The following DENND5B variants were observed in gnomAD, a reference collection of about 807,000 sequenced individuals.
The protein encoded by DENND5B is DENN domain containing 5B, also known as DENN domain-containing protein 5B.
Under a neutral mutation model 140.6 loss-of-function variants are expected in DENND5B, and 34 were observed. The ratio of observed to expected loss-of-function variants is 0.24; its 90% confidence interval spans 0.18 to 0.32. The LOEUF (loss-of-function observed/expected upper bound fraction) is 0.32, where lower values mean the gene tolerates loss of function less well. DENND5B is among the 10% of genes least tolerant of loss of function. The probability of loss-of-function intolerance (pLI) is 1.00; values close to 1 mark genes in which losing one functional copy is unlikely to be tolerated. For synonymous variants in DENND5B, 551 were observed against 562.1 expected (o/e 0.98, Z 0.28); for missense variants, 1,142 against 1,560.2 (o/e 0.73, Z 4.52).
At chr12:31,537,697 A>G (rs191838845) in intron 1 of DENND5B, among the ~76,000 whole-genome samples, 1 of 152,226 alleles carries the variant, frequency 6.6e-6, no homozygotes, top group African/African-American at 2.4e-5. Flanking sequence ...AAAAAAACAA[A>G]AAACAAAAAA....
At position 31,411,999 on chromosome 12, in the gene DENND5B, G is replaced by C. The variant is rs143902968; in HGVS notation, c.2681+1437C>G. ...TTTTTGTTTTTGTTTTTTGAGACAG[G>C]GTCTCGCTCTGTTGCCCAAGCTGGA... On this transcript the variant is annotated intron_variant, in intron 13 of 20. Transcript: ENST00000389082. 2.4e-3 allele frequency among the ~76,000 whole-genome samples: 368 copies of C among 152,074 alleles called. 1 individual carries two copies. Among genetic ancestry groups the C allele is most frequent in the African/African-American group, 8.4e-3 (350 of 41,502 alleles).
Position 31,447,633 on chromosome 12 carries a change from A to G in DENND5B, c.1766T>C (p.Phe589Ser), listed in dbSNP as rs756250147. The G allele has an allele frequency of 6.2e-7, 1 of 1,613,958 alleles. No individual in the cohort carries two copies. Among genetic ancestry groups the G allele is most frequent in the East Asian group, 2.2e-5 (1 of 44,874 alleles). Reference protein sequence around the residue: ...WEEKDPLLRVFDTRIDKIRLY... With the variant: ...WEEKDPLLRVSDTRIDKIRLY... ...CCTTATCTTATCAATCCGAGTGTCA[A>G]AGACCCGAAGCAAAGGATCTTTCTC... is the stretch of plus-strand genomic sequence containing the variant. The change falls in exon 6 of 21, where the codon TTT (phenylalanine) becomes TCT (serine). Residue 589 changes from phenylalanine (F) to serine (S), a missense_variant. Phe to Ser is a radical substitution (Grantham distance 155, BLOSUM62 -2). This residue lies in a region of DENND5B where 708 missense variants were observed against 905.5 expected (regional missense o/e 0.78). Transcript: ENST00000389082.
chr12:31,424,816 GA>G, intron 9 of DENND5B, 129 bp from the exon 10 acceptor site: 5 of 1,206,096 alleles, frequency 4.1e-6, no homozygotes, highest in South Asian at 1.6e-5. Context: ...ATCACCTTGG[GA>G]AAAAAATCTC....
In DENND5B at chr12:31,452,075, G is replaced by C; in HGVS notation, c.1494C>G (p.Leu498=). The change falls in exon 5 of 21, where the codon CTC becomes CTG. Residue 498 remains leucine (L), a synonymous_variant. Coordinates refer to ENST00000389082, the MANE Select transcript of DENND5B (RefSeq NM_144973.4). ...CEEAELRDYQ[L]NVQLREVFAN... ...CAAAGACCTCTCGGAGCTGTACATT[G>C]AGCTGGTAGTCCCTTAGTTCTGCCT... 6.2e-7 allele frequency: 1 copy of C among 1,613,976 alleles called. No individual in the cohort carries two copies. Among genetic ancestry groups the C allele is most frequent in the Non-Finnish European group, 8.5e-7 (1 of 1,179,896 alleles).
At chr12:31,590,651 A>C (rs1327952983) in intron 1 of DENND5B, 55 bp downstream of exon 1, 4 of 1,402,806 alleles carry the variant, frequency 2.9e-6, no homozygotes, top group Non-Finnish European at 3.7e-6. Context: ...GCGCGTCCCC[A>C]CAGCGTCCCC....
intron 5 of DENND5B, 141 bp from the exon 6 acceptor site, chr12:31,447,910 A>C: frequency 4.4e-6 from 3 of 681,396 alleles, no homozygotes; most frequent in Non-Finnish European, 7.3e-6. Flanking sequence ...AATCCTTAAA[A>C]ATCCACTTTT....
At position 31,444,948 on chromosome 12, in the gene DENND5B, C is replaced by A. The variant is rs529421795; in HGVS notation, c.1862-2023G>T. Among the ~76,000 whole-genome samples the A allele has an allele frequency of 2.6e-5, 4 of 152,298 alleles. No homozygotes were observed. In the East Asian group the frequency reaches 7.7e-4, roughly 29 times the overall value. Reference sequence around the variant, plus strand: ...AAAGACATCATTTACATACTTCTCCCTTACATACGCTAAAGCTTCAGCATC... The same window carrying A: ...AAAGACATCATTTACATACTTCTCCATTACATACGCTAAAGCTTCAGCATC... On this transcript the variant is annotated intron_variant, in intron 6 of 20. Coordinates refer to ENST00000389082, the MANE Select transcript of DENND5B (RefSeq NM_144973.4).
intron 1 of DENND5B, among the ~76,000 whole-genome samples, chr12:31,527,076 A>G (rs1398913236): frequency 1.3e-5 from 2 of 152,126 alleles, no homozygotes; most frequent in African/African-American, 4.8e-5. Context: ...AACATAATAA[A>G]TAAGTTACAC....
chr12:31,385,967 C>G lies in DENND5B; in HGVS notation c.*1636G>C, dbSNP rs910895942. On this transcript the variant is annotated 3_prime_UTR_variant, in exon 21 of 21. Coordinates refer to ENST00000389082, the MANE Select transcript of DENND5B (RefSeq NM_144973.4). ...CTGGGATCATAGGCGTGAGCCACCG[C>G]ACCCGGCTCCATGGGTTTTTAAATA... 1 of 152,324 alleles carries G rather than the reference C, an allele frequency of 6.6e-6. No homozygotes were observed. Among genetic ancestry groups the G allele is most frequent in the Non-Finnish European group, 1.5e-5 (1 of 68,134 alleles). 9.4% of individuals were successfully genotyped at this position (152,324 alleles called of 1,614,324 possible). A position where few individuals can be genotyped will look rare whatever the true frequency, so the allele number is the denominator to read the frequency against.
At chr12:31,479,489 G>T in intron 3 of DENND5B, 100 bp downstream of exon 3, 1 of 1,150,496 alleles carries the variant, frequency 8.7e-7, no homozygotes, top group Non-Finnish European at 1.2e-6. Flanking sequence ...AGAAAAGACT[G>T]TGATCATTAT....
chr12:31,506,551 G>A (rs987151112), intron 1 of DENND5B: 3 of 152,102 alleles, frequency 2.0e-5, no homozygotes, highest in African/African-American at 4.8e-5. Flanking sequence ...AAGTAAAAGG[G>A]TACGCTCCCA....
At chr12:31,541,824 AAAG>A (rs1250537932) in intron 1 of DENND5B, among the ~76,000 whole-genome samples, 1 of 152,224 alleles carries the variant, frequency 6.6e-6, no homozygotes, top group Non-Finnish European at 1.5e-5. Flanking sequence ...ATGAATGGAT[AAAG>A]AAAATGTGGT....
At chr12:31,503,193 AGAG>A (rs1365443399) in intron 1 of DENND5B, among the ~76,000 whole-genome samples, 1 of 152,180 alleles carries the variant, frequency 6.6e-6, no homozygotes, top group African/African-American at 2.4e-5. Context: ...GCTACTCATG[AGAG>A]GAGGAGAGAG....
chr12:31,423,688 G>A lies in DENND5B; in HGVS notation c.2392-13C>T. The A allele has an allele frequency of 2.5e-6, 4 of 1,610,226 alleles. No homozygotes were observed. Among genetic ancestry groups the A allele is most frequent in the Admixed American group, 1.7e-5 (1 of 59,642 alleles). On this transcript the variant is annotated splice_polypyrimidine_tract_variant and intron_variant, in intron 10 of 20. Coordinates refer to ENST00000389082, the MANE Select transcript of DENND5B (RefSeq NM_144973.4). ...AAGCCGACTTCCCCTGAAAGTACAAGATGTGTAAAAATTTCATAAGAAATA... is the reference window on the plus strand; with the variant it reads ...AAGCCGACTTCCCCTGAAAGTACAAAATGTGTAAAAATTTCATAAGAAATA...
At chr12:31,457,577 T>C (rs1944830002) in intron 4 of DENND5B, among the ~76,000 whole-genome samples, 1 of 152,208 alleles carries the variant, frequency 6.6e-6, no homozygotes, top group South Asian at 2.1e-4. Context: ...TTATATCTAC[T>C]TCCTCTCCAA....
In DENND5B at chr12:31,567,516, G is replaced by A. The variant is rs192981930; in HGVS notation, c.127+23190C>T. ...CACTCCAGCCTGGGCAACAGAGCAA[G>A]ACTCTGTCTAAAAAAAAAAAAAAAA... On this transcript the variant is annotated intron_variant, in intron 1 of 20. Transcript: ENST00000389082. Among the ~76,000 whole-genome samples, 600 of 100,638 alleles carry A rather than the reference G, an allele frequency of 6.0e-3. 5 individuals carry two copies. The highest frequency in any genetic ancestry group is 0.022 in the African/African-American group (556 of 25,040). 66.0% of individuals were successfully genotyped at this position (100,638 alleles called of 152,430 possible).
chr12:31,559,900 T>TGCC (rs780182488), intron 1 of DENND5B, among the ~76,000 whole-genome samples: 3 of 152,202 alleles, frequency 2.0e-5, no homozygotes, highest in Non-Finnish European at 4.4e-5. Context: ...GTGCTGCTGC[T>TGCC]GCCTTCCTTC....
intron 7 of DENND5B, among the ~76,000 whole-genome samples, chr12:31,435,339 A>G (rs1943695135): frequency 3.4e-5 from 5 of 146,300 alleles, no homozygotes; most frequent in Admixed American, 3.4e-4. Context: ...TTCTAATCTC[A>G]AAGTATAAAA....
rs78385957 is a variant in DENND5B, at chr12:31,559,663, T to C, written c.127+31043A>G. On this transcript the variant is annotated intron_variant, in intron 1 of 20. Coordinates refer to ENST00000389082, the MANE Select transcript of DENND5B (RefSeq NM_144973.4). ...CACTTATTAATATCTGTTTAGCAAT[T>C]ATACACTTGAAGTTTAATCATGGAT... 9.1e-3 allele frequency among the ~76,000 whole-genome samples: 1,382 copies of C among 152,238 alleles called. 21 individuals carry two copies. The highest frequency in any genetic ancestry group is 0.032 in the African/African-American group (1,339 of 41,526).
Sources: gnomAD v4.1 joint callset for allele counts (sites outside exome capture counted in the v4.1 genomes callset) on GRCh38, gnomAD v4.1.1 for gene constraint, gnomAD v4.1.1 regional missense constraint, MANE v1.5 for transcripts, NCBI Gene and HGNC (gene_info 2026-07-23, HGNC 2026-07-21) for gene names.